Variants in PCDH9 observed in about 807,000 individuals in gnomAD.
PCDH9 encodes protocadherin-9.
PCDH9 carries 24 observed loss-of-function variants against 70.6 expected under a neutral mutation model. The observed-to-expected ratio is 0.34, with a 90% CI of 0.25 to 0.48. PCDH9 has a LOEUF of 0.48. Among genes scored for constraint, PCDH9 ranks in the 20% least tolerant of loss-of-function variants. The probability of loss-of-function intolerance (pLI) is 0.99; values close to 1 mark genes in which losing one functional copy is unlikely to be tolerated. For missense variants in PCDH9, 1,281 were observed against 1,503.6 expected (o/e 0.85, Z 2.45); for synonymous variants, 562 against 558.5 (o/e 1.01, Z -0.09).
chr13:66,775,205 G>A (rs1471464750), intron 3 of PCDH9, among the ~76,000 whole-genome samples: 1 of 152,178 alleles, frequency 6.6e-6, no homozygotes. Flanking sequence ...AGATTTATTA[G>A]TGTCTTAGGA....
chr13:66,681,460 C>A (rs1211897090), intron 3 of PCDH9, among the ~76,000 whole-genome samples: 1 of 152,072 alleles, frequency 6.6e-6, no homozygotes, highest in African/African-American at 2.4e-5. Context: ...TTTCTCTTTT[C>A]TTTTGGGAAA....
At chr13:67,159,535 G>A (rs1353065795) in intron 2 of PCDH9, among the ~76,000 whole-genome samples, 2 of 152,116 alleles carry the variant, frequency 1.3e-5, no homozygotes, top group Non-Finnish European at 2.9e-5. Context: ...GGAAATAATG[G>A]AGGTCAGAGA....
intron 3 of PCDH9, among the ~76,000 whole-genome samples, chr13:66,665,979 G>T (rs1394542089): frequency 6.6e-6 from 1 of 152,078 alleles, no homozygotes; most frequent in East Asian, 1.9e-4. Flanking sequence ...TCTCCTTCAG[G>T]CCCATTTCTG....
intron 3 of PCDH9, among the ~76,000 whole-genome samples, chr13:66,752,762 T>G (rs894468075): frequency 3.9e-5 from 6 of 152,226 alleles, no homozygotes; most frequent in African/African-American, 1.4e-4. Context: ...TAGGAGCATC[T>G]GAAGTGAAAA....
intron 2 of PCDH9, among the ~76,000 whole-genome samples, chr13:67,053,447 C>T (rs1232730950): frequency 6.6e-6 from 1 of 151,960 alleles, no homozygotes; most frequent in African/African-American, 2.4e-5. Flanking sequence ...TTCCAGTAAA[C>T]AGTATAAAAA....
chr13:66,735,071 G>T (rs1440034591), intron 3 of PCDH9, among the ~76,000 whole-genome samples: 4 of 152,082 alleles, frequency 2.6e-5, no homozygotes, highest in Admixed American at 1.3e-4. Flanking sequence ...ATAGTACTGG[G>T]TGCTGTTCAT....
At chr13:66,668,256 T>C (rs2078123561) in intron 3 of PCDH9, among the ~76,000 whole-genome samples, 1 of 152,148 alleles carries the variant, frequency 6.6e-6, no homozygotes, top group Non-Finnish European at 1.5e-5. Context: ...GGCAAACCTT[T>C]CTTATAAAGG....
chr13:66,758,632 T>C (rs2079573849), intron 3 of PCDH9, among the ~76,000 whole-genome samples: 1 of 152,046 alleles, frequency 6.6e-6, no homozygotes, highest in Non-Finnish European at 1.5e-5. Context: ...AACGCTGGTA[T>C]TAAAAAAATA....
At chr13:66,594,027 T>A (rs558964149) in intron 4 of PCDH9, among the ~76,000 whole-genome samples, 11 of 151,822 alleles carry the variant, frequency 7.2e-5, no homozygotes, top group African/African-American at 2.7e-4. Flanking sequence ...ACAGTTACTG[T>A]TTTTTAATAC....
At chr13:66,996,361 A>G (rs1434123211) in intron 2 of PCDH9, 1 of 152,204 alleles carries the variant, frequency 6.6e-6, no homozygotes, top group Non-Finnish European at 1.5e-5. Context: ...TTTAAAAAAA[A>G]AAGAAAAAGC....
intron 4 of PCDH9, among the ~76,000 whole-genome samples, chr13:66,425,489 T>C (rs1457607253): frequency 2.0e-5 from 3 of 151,652 alleles, no homozygotes; most frequent in Non-Finnish European, 4.4e-5. Flanking sequence ...TCAGAGACTC[T>C]TATGTTTACC....
rs2086065405 is a variant in PCDH9, at chr13:67,084,940, C to T, written c.3036+140465G>A. On this transcript the variant is annotated intron_variant, in intron 2 of 4. Coordinates refer to ENST00000377865, the MANE Select transcript of PCDH9 (RefSeq NM_203487.3). ...CGAGATCACACCACTGCACTCCAGC[C>T]TGGGTGACAGAGCAAGATGCTGTCT... Among the ~76,000 whole-genome samples the T allele has an allele frequency of 3.3e-5, 4 of 122,288 alleles. No homozygotes were observed. In the Admixed American group the frequency reaches 4.2e-4, roughly 13 times the overall value. The allele number at this position is 122,288 out of a possible 152,430, so 80.2% of individuals were successfully genotyped here.
intron 2 of PCDH9, among the ~76,000 whole-genome samples, chr13:67,128,764 A>T (rs2087038661): frequency 6.6e-6 from 1 of 152,124 alleles, no homozygotes; most frequent in Non-Finnish European, 1.5e-5. Flanking sequence ...CCTCTAGAAG[A>T]TGTTGAGCTT....
At chr13:66,596,446 G>A (rs2077103731) in intron 4 of PCDH9, among the ~76,000 whole-genome samples, 1 of 151,642 alleles carries the variant, frequency 6.6e-6, no homozygotes, top group African/African-American at 2.4e-5. Context: ...ATTCACACAA[G>A]TATATAAGAA....
chr13:67,221,517 A>G (rs2089724528), intron 2 of PCDH9: 1 of 152,086 alleles, frequency 6.6e-6, no homozygotes, highest in African/African-American at 2.4e-5. Flanking sequence ...TAGATTGTGA[A>G]AAGTCAGGAT....
At chr13:66,493,601 T>A (rs909726911) in intron 4 of PCDH9, among the ~76,000 whole-genome samples, 1 of 152,122 alleles carries the variant, frequency 6.6e-6, no homozygotes, top group Admixed American at 6.5e-5. Flanking sequence ...CTGAACATCA[T>A]AAGTAGTTAC....
At position 66,308,864 on chromosome 13, in the gene PCDH9, C is replaced by T. The variant is rs944290184; in HGVS notation, c.3341-3836G>A. Among the ~76,000 whole-genome samples, 8 of 151,430 alleles carry T rather than the reference C, an allele frequency of 5.3e-5. No homozygotes were observed. In the East Asian group the frequency reaches 1.2e-3, roughly 22 times the overall value. ...AGGGGAAACTGACCAGTCTCTAGAC[C>T]GGGGCTCAAAACTGAGCCAAGACAG... On this transcript the variant is annotated intron_variant, in intron 4 of 4. Coordinates refer to ENST00000377865, the MANE Select transcript of PCDH9 (RefSeq NM_203487.3).
Position 67,037,402 on chromosome 13 carries a change from A to G in PCDH9, c.3037-133797T>C, listed in dbSNP as rs753791109. Among the ~76,000 whole-genome samples, 104 of 152,178 alleles carry G rather than the reference A, an allele frequency of 6.8e-4. 2 individuals carry two copies. The highest frequency in any genetic ancestry group is 1.2e-3 in the Non-Finnish European group (84 of 68,034). ...TGCAGCTTTACTGTATGCATTCTAT[A>G]AACAAATTTAAAAATCCAACATAAC... On this transcript the variant is annotated intron_variant, in intron 2 of 4. Transcript: ENST00000377865.
At chr13:66,497,846 T>A (rs1412776594) in intron 4 of PCDH9, among the ~76,000 whole-genome samples, 2 of 147,112 alleles carry the variant, frequency 1.4e-5, no homozygotes, top group African/African-American at 2.5e-5. Context: ...TGAGATGGAT[T>A]CTCACTCTGT....
Sources: allele counts gnomAD v4.1 joint callset (sites outside exome capture counted in the v4.1 genomes callset), GRCh38; gene constraint gnomAD v4.1.1; transcripts MANE v1.5; gene names NCBI Gene and HGNC (gene_info 2026-07-23, HGNC 2026-07-21).